STAG3: variants seen among roughly 807,000 people sequenced by gnomAD.
STAG3 encodes STAG3 cohesin complex component.
Under a neutral mutation model 160.7 loss-of-function variants are expected in STAG3, and 101 were observed. The observed-to-expected ratio is 0.63, with a 90% confidence interval of 0.54 to 0.74. STAG3 has a LOEUF of 0.74. Among genes scored for constraint, STAG3 ranks in the 30% least tolerant of loss-of-function variants. STAG3 has a pLI of 0.00. For synonymous variants in STAG3, 519 were observed against 585.0 expected (o/e 0.89, Z 1.63); for missense variants, 1,188 against 1,517.4 (o/e 0.78, Z 3.61).
At chr7:100,214,492 G>A (rs1438644260), downstream of STAG3, 1 of 171,900 alleles carries the variant, frequency 5.8e-6, no homozygotes, top group Admixed American at 5.5e-5. Context: ...CAGGTGCTTT[G>A]TCTACAGGCT....
rs773555060 is a variant in STAG3, at chr7:100,199,294, T to C, written c.1500T>C (p.Ser500=). ...LHDHAAYLVD[S]LWDCAGARLK... is the part of the protein sequence containing the mutation. Reference sequence around the variant, plus strand: ...ACCACGCTGCTTACTTAGTAGACAGTCTGTGGGACTGTGCAGGGGCTCGGC... The same window carrying C: ...ACCACGCTGCTTACTTAGTAGACAGCCTGTGGGACTGTGCAGGGGCTCGGC... The change falls in exon 15 of 34, where the codon AGT becomes AGC. Residue 500 remains serine (S), a synonymous_variant. Transcript: ENST00000615138. 6.2e-7 allele frequency: 1 copy of C among 1,614,094 alleles called. No homozygotes were observed. Among genetic ancestry groups the C allele is most frequent in the Non-Finnish European group, 8.5e-7 (1 of 1,179,990 alleles).
downstream of STAG3, chr7:100,215,233 T>G (rs1370074818): frequency 6.6e-6 from 1 of 152,164 alleles, no homozygotes; most frequent in Non-Finnish European, 1.5e-5. Context: ...CTCACTGTGG[T>G]CTCCTAGGTC....
chr7:100,217,301 G>A (rs1802843931), downstream of STAG3, among the ~76,000 whole-genome samples: 1 of 152,240 alleles, frequency 6.6e-6, no homozygotes, highest in South Asian at 2.1e-4. Context: ...GTCCAGGACA[G>A]CCCAGGGCTC....
At position 100,195,319 on chromosome 7, in the gene STAG3, A is replaced by G. The variant is rs1322307500; in HGVS notation, c.878A>G (p.His293Arg). The part of the protein sequence containing the change: ...LLEKRKELQE[H>R]QEEIEGMMNA... The stretch of plus-strand genomic sequence containing the variant: ...CTCCCTGTCCTCCAGCTCCAAGAGC[A>G]TCAAGAGGAGATTGAGGGGATGATG... Residue 293 changes from histidine (H) to arginine (R), a missense_variant, in exon 9 of 34, where the codon CAT becomes CGT. Around this residue, in one of 4 missense-constraint regions of STAG3, gnomAD observed 296 missense variants for 404.0 expected, o/e 0.73. Coordinates refer to ENST00000615138, the MANE Select transcript of STAG3 (RefSeq NM_001282717.2). The G allele has an allele frequency of 1.2e-6, 2 of 1,614,200 alleles. No homozygotes were observed. The highest frequency in any genetic ancestry group is 1.7e-6 in the Non-Finnish European group (2 of 1,180,020).
chr7:100,203,956 G>A lies in STAG3; in HGVS notation c.2701-65G>A. 2.7e-6 allele frequency: 3 copies of A among 1,111,914 alleles called. No individual in the cohort carries two copies. In the South Asian group the frequency reaches 3.8e-5, roughly 14 times the overall value. 68.9% of individuals were successfully genotyped at this position (1,111,914 alleles called of 1,614,324 possible). On this transcript the variant is annotated intron_variant, in intron 25 of 33. Coordinates refer to ENST00000615138, the MANE Select transcript of STAG3 (RefSeq NM_001282717.2). Reference sequence around the variant, plus strand: ...GGGAGGGAGACATGATTAGGGATGTGAAGGAAGAAACCAAATGGTCTTTTC... The same window carrying A: ...GGGAGGGAGACATGATTAGGGATGTAAAGGAAGAAACCAAATGGTCTTTTC...
At chr7:100,198,776 C>G (rs1339459576) in intron 13 of STAG3, 67 bp from the exon 14 acceptor site, 5 of 1,435,046 alleles carry the variant, frequency 3.5e-6, no homozygotes, top group Non-Finnish European at 4.9e-6. Flanking sequence ...CATCTCCTCC[C>G]TCTGTGGTCG....
At chr7:100,201,905 A>C in intron 22 of STAG3, 39 bp downstream of exon 22, 1 of 1,613,792 alleles carries the variant, frequency 6.2e-7, no homozygotes, top group Non-Finnish European at 8.5e-7. Context: ...GGAACAGAGG[A>C]GTCTGTGTCT....
In STAG3 at chr7:100,205,004, G is replaced by T; in HGVS notation, c.2952-1G>T. On this transcript the variant is annotated splice_acceptor_variant, in intron 27 of 33. Transcript: ENST00000615138. LOFTEE classifies it high-confidence loss of function. ...TCCTAAAATAATTCTGCCCAACCAA[G>T]GGAAGGCATCCAGTTCTCCTTGTCT... The T allele has an allele frequency of 6.2e-7, 1 of 1,613,132 alleles. No homozygotes were observed. Among genetic ancestry groups the T allele is most frequent in the Non-Finnish European group, 8.5e-7 (1 of 1,179,544 alleles).
intron 8 of STAG3, among the ~76,000 whole-genome samples, chr7:100,191,859 A>G (rs1005823799): frequency 1.6e-4 from 24 of 152,244 alleles, no homozygotes; most frequent in Admixed American, 1.0e-3. Context: ...ACAAGAGTCA[A>G]TTCTCTCAAG....
At chr7:100,213,920 G>A in intron 33 of STAG3, 87 bp from the exon 34 acceptor site, 2 of 1,613,206 alleles carry the variant, frequency 1.2e-6, no homozygotes, top group Non-Finnish European at 1.7e-6. Flanking sequence ...GCTGTCTCTG[G>A]GGCTTTGAGG....
chr7:100,212,110 G>A (rs1040631233), intron 32 of STAG3: 13 of 430,986 alleles, frequency 3.0e-5, no homozygotes, highest in Non-Finnish European at 5.0e-5. Flanking sequence ...TAGCACTCTC[G>A]CTCCCAATCC....
intron 19 of STAG3, 42 bp from the exon 20 acceptor site, chr7:100,201,048 G>C (rs373248893): frequency 6.2e-7 from 1 of 1,614,104 alleles, no homozygotes; most frequent in African/African-American, 1.3e-5. Context: ...GGACTGATGA[G>C]TTCTGGGGGA....
In STAG3 at chr7:100,211,810, A is replaced by G. The variant is rs1802240089; in HGVS notation, c.3534A>G (p.Glu1178=). The change falls in exon 32 of 34, where the codon GAA becomes GAG. Residue 1178 remains glutamate (E), a synonymous_variant. Transcript: ENST00000615138. ...GNQLMRLSLM[E]EDEEEELEIQ... The stretch of plus-strand genomic sequence containing the variant: ...CCTACATCAGACTCAGCCTTATGGA[A>G]GAGGACGAGGAAGAAGAGTTAGAAA... 6.2e-7 allele frequency: 1 copy of G among 1,614,000 alleles called. No homozygotes were observed. The highest frequency in any genetic ancestry group is 1.3e-5 in the African/African-American group (1 of 74,894).
intron 31 of STAG3, 36 bp from the exon 32 acceptor site, chr7:100,211,759 C>T (rs377231998): frequency 2.4e-5 from 38 of 1,607,556 alleles, no homozygotes; most frequent in Non-Finnish European, 3.2e-5. Context: ...CCTCAAAGAA[C>T]AGTTTGAAAA....
intron 18 of STAG3, 51 bp from the exon 19 acceptor site, chr7:100,200,718 G>C: frequency 6.3e-7 from 1 of 1,596,282 alleles, no homozygotes; most frequent in Non-Finnish European, 8.6e-7. Context: ...CGCCAGAAGA[G>C]TGTCCTCCTC....
intron 2 of STAG3, 47 bp from the exon 3 acceptor site, chr7:100,182,043 G>C: frequency 7.1e-7 from 1 of 1,414,478 alleles, no homozygotes; most frequent in Non-Finnish European, 1.0e-6. Context: ...CTTTTATATG[G>C]AGGGAATAGG....
chr7:100,193,555 G>A lies in STAG3; in HGVS notation c.868-1754G>A, dbSNP rs1412672366. The stretch of plus-strand genomic sequence containing the variant: ...ACTTGTTGCTTCTCTATCAGTATTT[G>A]CTGCTTCACCGTGTACTTTTATGTT... On this transcript the variant is annotated intron_variant, in intron 8 of 33. Transcript: ENST00000615138. 3.9e-5 allele frequency among the ~76,000 whole-genome samples: 6 copies of A among 152,200 alleles called. No individual in the cohort carries two copies. The East Asian group carries it at 1.2e-3, about 29-fold the overall frequency.
At position 100,189,333 on chromosome 7, in the gene STAG3, G is replaced by C; in HGVS notation, c.716-112G>C. 3 of 1,240,906 alleles carry C rather than the reference G, an allele frequency of 2.4e-6. No individual in the cohort carries two copies. The South Asian group carries it at 4.4e-5, about 18-fold the overall frequency. The allele number at this position is 1,240,906 out of a possible 1,614,324, so 76.9% of individuals were successfully genotyped here. ...CGTCTTAGGATTTTAGGGTCATCCT[G>C]CTCTGACGTCTCATTTTCATTGCCC... is the stretch of plus-strand genomic sequence containing the variant. On this transcript the variant is annotated intron_variant, in intron 7 of 33. Transcript: ENST00000615138.
At chr7:100,190,925 G>A (rs1800308127) in intron 8 of STAG3, among the ~76,000 whole-genome samples, 2 of 151,870 alleles carry the variant, frequency 1.3e-5, no homozygotes, top group Admixed American at 1.3e-4. Flanking sequence ...TGCTATTTTA[G>A]TGTAAAATAT....
Sources: gnomAD v4.1 joint callset for allele counts (sites outside exome capture counted in the v4.1 genomes callset) on GRCh38, gnomAD v4.1.1 for gene constraint, gnomAD v4.1.1 regional missense constraint, MANE v1.5 for transcripts, NCBI Gene and HGNC (gene_info 2026-07-23, HGNC 2026-07-21) for gene names.